The following STK33 variants were observed in gnomAD, a reference collection of about 807,000 sequenced individuals.
STK33 encodes the protein serine/threonine kinase 33, also known as serine/threonine-protein kinase 33.
STK33 carries 52 observed loss-of-function variants against 58.0 expected under a neutral mutation model. The observed-to-expected ratio is 0.90, with a 90% confidence interval of 0.72 to 1.13. The LOEUF is 1.13. Among genes scored for constraint, STK33 ranks in the 50% most tolerant of loss-of-function variants. The pLI is 0.00. For synonymous variants in STK33, 215 were observed against 200.1 expected, an observed-to-expected ratio of 1.07 and a Z score of -0.63; for missense variants, 630 against 604.2, an observed-to-expected ratio of 1.04 and a Z score of -0.45.
chr11:8,419,335 G>C (rs1174741094), intron 14 of STK33, among the ~76,000 whole-genome samples: 1 of 152,178 alleles, frequency 6.6e-6, no homozygotes, highest in Non-Finnish European at 1.5e-5. Flanking sequence ...TTATCGAATA[G>C]AAAGTCCTTT....
the STK33 span, among the ~76,000 whole-genome samples, chr11:8,346,361 C>A: frequency 6.6e-5 from 10 of 152,148 alleles, no homozygotes; most frequent in African/African-American, 1.7e-4. Context: ...GCAGTCCCTG[C>A]GGTCAGCCTC....
At chr11:8,340,869 G>GT in the STK33 span, among the ~76,000 whole-genome samples, 228 of 152,218 alleles carry the variant, frequency 1.5e-3, no homozygotes, top group Non-Finnish European at 2.9e-3. Context: ...GTTTTGGTTT[G>GT]TTTTTTTGAG....
the STK33 span, among the ~76,000 whole-genome samples, chr11:8,349,152 A>G: frequency 6.6e-6 from 1 of 152,238 alleles, no homozygotes; most frequent in East Asian, 1.9e-4. Flanking sequence ...GACCTTAGAC[A>G]TGTTGGTTGA....
intron 1 of STK33, among the ~76,000 whole-genome samples, chr11:8,497,142 T>A (rs943097594): frequency 6.6e-6 from 1 of 152,064 alleles, no homozygotes; most frequent in African/African-American, 2.4e-5. Context: ...AACATATGCA[T>A]AACCCAAGGG....
intron 15 of STK33, among the ~76,000 whole-genome samples, chr11:8,400,484 C>T (rs531900491): frequency 7.2e-5 from 11 of 152,114 alleles, no homozygotes; most frequent in African/African-American, 2.7e-4. Context: ...ATAATAAGAG[C>T]TATCTATGAC....
At chr11:8,593,804 T>G (rs959157906) in intron 1 of STK33, 1 of 152,270 alleles carries the variant, frequency 6.6e-6, no homozygotes, top group East Asian at 1.9e-4. Context: ...GGGGTGAAGG[T>G]GAGACGGTGG....
intron 1 of STK33, among the ~76,000 whole-genome samples, chr11:8,586,851 T>G (rs1470236204): frequency 6.9e-6 from 1 of 144,368 alleles, no homozygotes; most frequent in Admixed American, 6.9e-5. Context: ...AAAAAAAAAA[T>G]TATTAGCTTG....
chr11:8,451,058 A>G (rs561715317), intron 11 of STK33, among the ~76,000 whole-genome samples: 1 of 152,344 alleles, frequency 6.6e-6, no homozygotes, highest in Admixed American at 6.5e-5. Context: ...CTAGAACTGT[A>G]TAATTTAAAA....
At chr11:8,588,278 T>A (rs1388477206) in intron 1 of STK33, among the ~76,000 whole-genome samples, 1 of 152,210 alleles carries the variant, frequency 6.6e-6, no homozygotes, top group Non-Finnish European at 1.5e-5. Context: ...TATCCCTAGA[T>A]GGAAATTTGG....
At chr11:8,544,943 T>C (rs1037903808) in intron 1 of STK33, among the ~76,000 whole-genome samples, 1 of 152,222 alleles carries the variant, frequency 6.6e-6, no homozygotes, top group Non-Finnish European at 1.5e-5. Context: ...AGAAATATTC[T>C]AAAAACTGCA....
chr11:8,366,397 GC>G, the STK33 span, among the ~76,000 whole-genome samples: 3 of 152,220 alleles, frequency 2.0e-5, no homozygotes, highest in Admixed American at 1.3e-4. Context: ...AACAGGGCCA[GC>G]CCCACAGGAG....
downstream of STK33, among the ~76,000 whole-genome samples, chr11:8,389,244 G>A (rs901633234): frequency 4.6e-4 from 70 of 152,226 alleles, no homozygotes; most frequent in Non-Finnish European, 4.3e-4. Context: ...CAGGAGCCAC[G>A]CCCACCAAAG....
intron 14 of STK33, among the ~76,000 whole-genome samples, chr11:8,424,624 A>G (rs1435214856): frequency 6.7e-6 from 1 of 149,926 alleles, no homozygotes; most frequent in African/African-American, 2.5e-5. Context: ...AAGTGTTCCT[A>G]TTTCTCCACA....
chr11:8,361,733 G>A, the STK33 span, among the ~76,000 whole-genome samples: 2 of 152,320 alleles, frequency 1.3e-5, no homozygotes, highest in African/African-American at 2.4e-5. This position sits in a 1 kb window ranked among gnomAD's most constrained non-coding sequence, Gnocchi z 4.8. Context: ...ACGTGGAGCT[G>A]GTGGAACGCC....
chr11:8,518,396 T>C lies in STK33; in HGVS notation c.-465-37782A>G, dbSNP rs1303054906. Among the ~76,000 whole-genome samples, 7 of 152,192 alleles carry C rather than the reference T, an allele frequency of 4.6e-5. No homozygotes were observed. In the South Asian group the frequency reaches 1.2e-3, roughly 27 times the overall value. On this transcript the variant is annotated intron_variant, in intron 1 of 15. Coordinates refer to ENST00000687296, the MANE Select transcript of STK33 (RefSeq NM_001352389.2). Reference sequence around the variant, plus strand: ...CAGCCACTGCAAAAAACATGCCAAATTGTAAAGACCATCAATGCAGGGAAG... The same window carrying C: ...CAGCCACTGCAAAAAACATGCCAAACTGTAAAGACCATCAATGCAGGGAAG...
chr11:8,413,583 G>C lies in STK33; in HGVS notation c.1256C>G (p.Pro419Arg), dbSNP rs145552076. ...EENTTEEKNK[P>R]STEEKLKSYQ... The stretch of plus-strand genomic sequence containing the variant: ...ACTTTTCAACTTTTCTTCAGTGGAC[G>C]GCTTATTCTTCTCTTCTGTTGTGTT... Residue 419 changes from proline (P) to arginine (R), a missense_variant, in exon 15 of 16, where the codon CCG becomes CGG. Pro to Arg is a moderately radical substitution (Grantham distance 103, BLOSUM62 -2). Coordinates refer to ENST00000687296, the MANE Select transcript of STK33 (RefSeq NM_001352389.2). The C allele has an allele frequency of 5.6e-6, 9 of 1,613,908 alleles. No individual in the cohort carries two copies. In the Admixed American group the frequency reaches 1.5e-4, roughly 27 times the overall value.
rs568281264 is a variant in STK33, at chr11:8,507,739, G to A, written c.-465-27125C>T. ...CTTTTTAATACAAACTGACAACTGA[G>A]GCAAATATAATAATTCCACAAGCAT... On this transcript the variant is annotated intron_variant, in intron 1 of 15. Transcript: ENST00000687296. Among the ~76,000 whole-genome samples, 55 of 152,208 alleles carry A rather than the reference G, an allele frequency of 3.6e-4. No individual in the cohort carries two copies. The South Asian group carries it at 4.6e-3, about 13-fold the overall frequency.
chr11:8,537,983 T>A (rs1403134392), intron 1 of STK33, among the ~76,000 whole-genome samples: 1 of 151,776 alleles, frequency 6.6e-6, no homozygotes, highest in Non-Finnish European at 1.5e-5. Flanking sequence ...GCCGAGGCAT[T>A]CAAGGCCAGA....
At chr11:8,510,037 A>T (rs1952184938) in intron 1 of STK33, among the ~76,000 whole-genome samples, 1 of 152,194 alleles carries the variant, frequency 6.6e-6, no homozygotes, top group Non-Finnish European at 1.5e-5. Flanking sequence ...GGATTGCCAG[A>T]TCAAATGGTA....
Sources: gnomAD v4.1 joint callset for allele counts (sites outside exome capture counted in the v4.1 genomes callset) on GRCh38, gnomAD v4.1.1 for gene constraint, Gnocchi (gnomAD v3.1) non-coding constraint, MANE v1.5 for transcripts, NCBI Gene and HGNC (gene_info 2026-07-23, HGNC 2026-07-21) for gene names.